SLC7A8: variants seen among roughly 807,000 people sequenced by gnomAD.
The protein encoded by SLC7A8 is solute carrier family 7 member 8.
A neutral mutation model predicts 51.2 loss-of-function variants in SLC7A8; 30 were observed. That is an observed-to-expected ratio of 0.59 (90% confidence interval 0.44 to 0.80). The LOEUF is 0.80. SLC7A8 is among the 30% of genes least tolerant of loss of function. SLC7A8 has a pLI of 0.00. For synonymous variants in SLC7A8, 257 were observed against 275.8 expected (o/e 0.93, Z 0.67); for missense variants, 612 against 674.4 (o/e 0.91, Z 1.03).
chr14:23,158,611 T>C (rs1217759079), intron 3 of SLC7A8, among the ~76,000 whole-genome samples: 1 of 152,240 alleles, frequency 6.6e-6, no homozygotes, highest in Non-Finnish European at 1.5e-5. Flanking sequence ...CCCAAAGTGC[T>C]GGGATTACAG....
At position 23,127,338 on chromosome 14, in the gene SLC7A8, G is replaced by T. The variant is rs980300383; in HGVS notation, c.1447C>A (p.Leu483Ile). The T allele has an allele frequency of 5.6e-6, 9 of 1,613,924 alleles. No individual in the cohort carries two copies. Among genetic ancestry groups the T allele is most frequent in the Non-Finnish European group, 6.8e-6 (8 of 1,179,922 alleles). Reference sequence around the variant, plus strand: ...CACATCTTCTGGCTCACCAGGGTTAGCAGCTCTGTAGGAAGAGATCACACA... The same window carrying T: ...CACATCTTCTGGCTCACCAGGGTTATCAGCTCTGTAGGAAGAGATCACACA... ...PKCFSDFIEL[L>I]TLVSQKMCVV... Residue 483 changes from leucine to isoleucine, a missense_variant, in exon 11 of 11, where the codon CTA becomes ATA. By Grantham distance (5) the Leu-to-Ile change is conservative. Transcript: ENST00000316902.
intron 3 of SLC7A8, among the ~76,000 whole-genome samples, chr14:23,147,517 A>C (rs2048808496): frequency 6.6e-6 from 1 of 152,194 alleles, no homozygotes; most frequent in African/African-American, 2.4e-5. Flanking sequence ...AACATGGAGA[A>C]ATTTATAATC....
At chr14:23,170,464 C>CT (rs900437787) in intron 1 of SLC7A8, among the ~76,000 whole-genome samples, 16 of 151,286 alleles carry the variant, frequency 1.1e-4, no homozygotes, top group African/African-American at 2.2e-4. Context: ...TTCGTTCTTT[C>CT]TTTTTTTTTG....
intron 3 of SLC7A8, among the ~76,000 whole-genome samples, chr14:23,157,215 A>G (rs531990159): frequency 3.8e-4 from 58 of 152,322 alleles, no homozygotes; most frequent in African/African-American, 1.4e-3. Context: ...CAACAAGACC[A>G]TGCAGTCCTT....
At chr14:23,174,921 A>T (rs1639639826) in intron 1 of SLC7A8, among the ~76,000 whole-genome samples, 1 of 152,134 alleles carries the variant, frequency 6.6e-6, no homozygotes, top group South Asian at 2.1e-4. Flanking sequence ...GTAGTTTGGG[A>T]TATACTCCTG....
intron 1 of SLC7A8, among the ~76,000 whole-genome samples, chr14:23,178,872 G>A (rs1173786641): frequency 7.7e-6 from 1 of 129,060 alleles, no homozygotes; most frequent in Non-Finnish European, 1.6e-5. Flanking sequence ...TTAACAGAGT[G>A]AGATCTTGTC....
intron 3 of SLC7A8, chr14:23,155,501 C>T (rs921013551): frequency 1.1e-5 from 16 of 1,394,520 alleles, no homozygotes; most frequent in Non-Finnish European, 1.3e-5. Flanking sequence ...CCCAGCTCAG[C>T]ATTTTCCAAG....
intron 1 of SLC7A8, among the ~76,000 whole-genome samples, chr14:23,178,655 G>A (rs1028941096): frequency 3.3e-5 from 5 of 151,532 alleles, no homozygotes; most frequent in East Asian, 1.9e-4. Context: ...TGGCCCACAC[G>A]TGTAACCCCA....
chr14:23,173,554 C>T (rs1294970125), intron 1 of SLC7A8, among the ~76,000 whole-genome samples: 1 of 152,210 alleles, frequency 6.6e-6, no homozygotes, highest in Admixed American at 6.5e-5. Context: ...CCCCATTCTA[C>T]AACATACTGA....
intron 10 of SLC7A8, 106 bp from the exon 11 acceptor site, chr14:23,127,449 T>C: frequency 7.6e-7 from 1 of 1,313,062 alleles, no homozygotes; most frequent in Non-Finnish European, 1.1e-6. Context: ...TTCTGCCTCT[T>C]CAGAGCAGTC....
rs1389583926 is a variant in SLC7A8 at position 23,143,139 on chromosome 14, C to G, written c.574G>C (p.Ala192Pro). 1 of 1,614,208 alleles carries G rather than the reference C, an allele frequency of 6.2e-7. No individual in the cohort carries two copies. Among genetic ancestry groups the G allele is most frequent in the South Asian group, 1.1e-5 (1 of 91,084 alleles). Residue 192 changes from alanine to proline, a missense_variant, in exon 4 of 11, where the codon GCT (alanine) becomes CCT (proline). Physicochemically the swap from Ala to Pro is conservative, Grantham distance 27 (BLOSUM62 -1). Coordinates refer to ENST00000316902, the MANE Select transcript of SLC7A8 (RefSeq NM_012244.4). ...AGGGCCAAGGCCAGGAGCTTCCCAG[C>G]TGTGAAGATGTCTTGAACCCGGGTG... The part of the protein sequence containing the change: ...WATRVQDIFT[A>P]GKLLALALII...
rs1188434527 is a variant in SLC7A8, at chr14:23,126,960, G to A, written c.*217C>T. 1.7e-6 allele frequency: 1 copy of A among 600,578 alleles called. No individual in the cohort carries two copies. The highest frequency in any genetic ancestry group is 2.9e-5 in the East Asian group (1 of 34,746). The allele number at this position is 600,578 out of a possible 1,614,324, so 37.2% of individuals were successfully genotyped here. ...CTGGGAGTGTGGGCAGCACTGGAGT[G>A]GGGCCTGGGACATGGACCCTGGGGT... On this transcript the variant is annotated 3_prime_UTR_variant, in exon 11 of 11. Transcript: ENST00000316902.
In SLC7A8 at chr14:23,141,594, C is replaced by T. The variant is rs550890758; in HGVS notation, c.635-970G>A. On this transcript the variant is annotated intron_variant, in intron 4 of 10. Coordinates refer to ENST00000316902, the MANE Select transcript of SLC7A8 (RefSeq NM_012244.4). ...CCTCCTGAGTAGCTGGAGTTACAGG[C>T]ATATGCCACCATGCCTGGCTAATTT... 1.5e-3 allele frequency among the ~76,000 whole-genome samples: 218 copies of T among 146,388 alleles called. 1 individual carries two copies. Among genetic ancestry groups the T allele is most frequent in the African/African-American group, 4.9e-3 (200 of 40,728 alleles).
intron 3 of SLC7A8, among the ~76,000 whole-genome samples, chr14:23,147,326 A>ACAAGT (rs1197574938): frequency 1.3e-5 from 2 of 152,234 alleles, no homozygotes; most frequent in Non-Finnish European, 2.9e-5. Flanking sequence ...TTGATAAGAC[A>ACAAGT]CAAGTCCCTG....
At chr14:23,181,695 G>A (rs1053461652) in intron 1 of SLC7A8, among the ~76,000 whole-genome samples, 3 of 152,354 alleles carry the variant, frequency 2.0e-5, no homozygotes, top group Middle Eastern at 6.8e-3. Flanking sequence ...AGGAACTCTG[G>A]AGAGATGACA....
chr14:23,176,815 G>A (rs573855800), intron 1 of SLC7A8, among the ~76,000 whole-genome samples: 14 of 151,848 alleles, frequency 9.2e-5, no homozygotes, highest in South Asian at 2.1e-4. Context: ...GGTAGCTCGC[G>A]CCTGTAATCC....
chr14:23,155,170 T>A, intron 3 of SLC7A8: 1 of 1,535,914 alleles, frequency 6.5e-7, no homozygotes, highest in Non-Finnish European at 8.7e-7. Flanking sequence ...ACTTACAACG[T>A]TTTAGAAATC....
chr14:23,167,316 G>GGGAGA (rs199792318), intron 1 of SLC7A8, among the ~76,000 whole-genome samples: 1,600 of 152,280 alleles, frequency 0.011, 25 homozygotes, highest in African/African-American at 0.037. Flanking sequence ...ATGGAATTCA[G>GGGAGA]GGAGAGGAGA....
chr14:23,168,623 C>T (rs1431602166), intron 1 of SLC7A8, among the ~76,000 whole-genome samples: 1 of 152,134 alleles, frequency 6.6e-6, no homozygotes, highest in Admixed American at 6.5e-5. Context: ...CTTTAAGGTA[C>T]TGAAAAGGGA....
Sources: allele counts gnomAD v4.1 joint callset (sites outside exome capture counted in the v4.1 genomes callset), GRCh38; gene constraint gnomAD v4.1.1; transcripts MANE v1.5; gene names NCBI Gene and HGNC (gene_info 2026-07-23, HGNC 2026-07-21).